KIR2DL4: variants seen among roughly 807,000 people sequenced by gnomAD.
The protein encoded by KIR2DL4 is killer cell immunoglobulin-like receptor 2DL4.
KIR2DL4 carries 41 observed loss-of-function variants against 31.0 expected under a neutral mutation model. The ratio of observed to expected loss-of-function variants is 1.32; its 90% CI spans 1.03 to 1.72. KIR2DL4 has a LOEUF of 1.72. Among genes scored for constraint, KIR2DL4 ranks in the 40% most tolerant of loss-of-function variants. KIR2DL4 has a pLI of 0.00. For synonymous variants in KIR2DL4, 164 were observed against 133.6 expected (o/e 1.23, Z -1.57); for missense variants, 438 against 353.7 (o/e 1.24, Z -1.91).
chr19:54,813,552 T>A (rs2061005856), intron 6 of KIR2DL4, 138 bp from the exon 6 acceptor site: 6 of 884,570 alleles, frequency 6.8e-6, no homozygotes, highest in Non-Finnish European at 1.1e-5. Flanking sequence ...CTCAGAGAGA[T>A]GGAATGTCTG....
chr19:54,803,948 G>A lies in KIR2DL4; in HGVS notation c.76+22G>A, dbSNP rs764638684. ...GTGGGTGAGTCCTTCCCCAAATGATGGGTTGCCATCTTCACCCCAATACAA... is the reference window on the plus strand; with the variant it reads ...GTGGGTGAGTCCTTCCCCAAATGATAGGTTGCCATCTTCACCCCAATACAA... On this transcript the variant is annotated intron_variant, in intron 2 of 7. Transcript: ENST00000359085. 5.6e-6 allele frequency: 9 copies of A among 1,605,526 alleles called. 1 individual carries two copies. Among genetic ancestry groups the A allele is most frequent in the Non-Finnish European group, 7.7e-6 (9 of 1,175,404 alleles).
intron 5 of KIR2DL4, among the ~76,000 whole-genome samples, chr19:54,809,393 T>G (rs1052230758): frequency 6.6e-6 from 1 of 150,832 alleles, no homozygotes; most frequent in Non-Finnish European, 1.5e-5. Context: ...TGCCCCATGC[T>G]CAGACTGTGC....
intron 7 of KIR2DL4, 49 bp from the exon 7 acceptor site, chr19:54,813,793 C>T (rs2061028701): frequency 5.0e-6 from 8 of 1,611,644 alleles, no homozygotes; most frequent in Non-Finnish European, 6.8e-6. Context: ...CCGAAATAGT[C>T]CTGAAAAATG....
At chr19:54,814,045 T>C (rs1601244509) in exon 8 of KIR2DL4, 3 of 1,612,248 alleles carry the variant, frequency 1.9e-6, no homozygotes, top group South Asian at 2.2e-5. Context: ...TGGGATCTTC[T>C]AGGGAGACAA....
At chr19:54,811,101 A>G (rs1187868896) in intron 5 of KIR2DL4, among the ~76,000 whole-genome samples, 1 of 151,372 alleles carries the variant, frequency 6.6e-6, no homozygotes, top group Non-Finnish European at 1.5e-5. Flanking sequence ...GAGACCTATT[A>G]TAATATAACA....
exon 8 of KIR2DL4, chr19:54,813,847 T>G (rs559190217): frequency 1.2e-6 from 2 of 1,612,458 alleles, no homozygotes; most frequent in Admixed American, 1.7e-5. Context: ...TCCAGGACTC[T>G]GATGAACAAG....
At chr19:54,804,157 A>AT (rs1260979061) in intron 2 of KIR2DL4, among the ~76,000 whole-genome samples, 5 of 104,600 alleles carry the variant, frequency 4.8e-5, no homozygotes, top group African/African-American at 1.2e-4. Context: ...TGGTATGCTC[A>AT]GCCCTCTGTT....
At chr19:54,805,413 G>C (rs1220326633) in intron 3 of KIR2DL4, among the ~76,000 whole-genome samples, 1 of 151,140 alleles carries the variant, frequency 6.6e-6, no homozygotes, top group Non-Finnish European at 1.5e-5. Flanking sequence ...GAGTGGAGAA[G>C]GAAGAGGAGA....
chr19:54,804,359 T>C (rs2147874778), intron 2 of KIR2DL4, among the ~76,000 whole-genome samples: 1 of 151,320 alleles, frequency 6.6e-6, no homozygotes, highest in South Asian at 2.1e-4. Flanking sequence ...CCTCCAGCGT[T>C]TCCATGACGG....
At position 54,813,803 on chromosome 19, in the gene KIR2DL4, G is replaced by A. The variant is rs1198400623; in HGVS notation, c.*42-39G>A. 3.8e-5 allele frequency: 61 copies of A among 1,611,984 alleles called. 1 individual carries two copies. The Admixed American group carries it at 8.2e-4, about 22-fold the overall frequency. On this transcript the variant is annotated intron_variant, in intron 7 of 7. Transcript: ENST00000359085. ...TTATTCCGAAATAGTCCTGAAAAATGTGAACACCCTCCCTCACTCAGGATT... is the reference window on the plus strand; with the variant it reads ...TTATTCCGAAATAGTCCTGAAAAATATGAACACCCTCCCTCACTCAGGATT...
In KIR2DL4 at chr19:54,805,196, GA is replaced by G. The variant is rs770605465; in HGVS notation, c.361+120del. The G allele has an allele frequency of 2.5e-4, 246 of 1,000,834 alleles. 7 individuals are homozygous for G. The East Asian group carries it at 5.1e-3, about 21-fold the overall frequency. The allele number at this position is 1,000,834 out of a possible 1,614,324, so 62.0% of individuals were successfully genotyped here. On this transcript the variant is annotated intron_variant, in intron 3 of 7. Transcript: ENST00000359085. The stretch of plus-strand genomic sequence containing the variant: ...CCCAACTATATTTGGGGTAAAGGGG[GA>G]TTGAATACAGGGGAATGGGTGCTGT...
chr19:54,811,489 A>G lies in KIR2DL4; in HGVS notation c.707-1636A>G, dbSNP rs965109897. Among the ~76,000 whole-genome samples the G allele has an allele frequency of 2.6e-5, 4 of 151,372 alleles. 1 individual carries two copies. Among genetic ancestry groups the G allele is most frequent in the African/African-American group, 4.9e-5 (2 of 41,020 alleles). Reference sequence around the variant, plus strand: ...CCAATCATCATTTTTCTATTTCTCTATAATGACTTCTTTGATCCTTTATCC... The same window carrying G: ...CCAATCATCATTTTTCTATTTCTCTGTAATGACTTCTTTGATCCTTTATCC... On this transcript the variant is annotated intron_variant, in intron 5 of 7. Coordinates refer to ENST00000359085, the Ensembl canonical transcript of KIR2DL4.
intron 6 of KIR2DL4, 117 bp from the exon 6 acceptor site, chr19:54,813,573 T>C (rs959136627): frequency 1.9e-6 from 2 of 1,036,898 alleles, no homozygotes; most frequent in Non-Finnish European, 2.9e-6. Context: ...AGTCTGGCTG[T>C]TGGCAGCTGA....
chr19:54,804,876 C>G, exon 3 of KIR2DL4: 1 of 1,612,238 alleles, frequency 6.2e-7, no homozygotes, highest in Non-Finnish European at 8.5e-7. Context: ...GTGTCACTAT[C>G]GTCGTGGGTT....
At chr19:54,812,693 G>A (rs1217364713) in intron 5 of KIR2DL4, among the ~76,000 whole-genome samples, 1 of 149,798 alleles carries the variant, frequency 6.7e-6, no homozygotes, top group East Asian at 2.0e-4. Context: ...AGATCACATG[G>A]CAAGAGAGGG....
At chr19:54,813,779 T>G in intron 7 of KIR2DL4, 37 bp downstream of exon 6, 4 of 1,610,846 alleles carry the variant, frequency 2.5e-6, no homozygotes, top group Non-Finnish European at 3.4e-6. Flanking sequence ...GATACAGTCT[T>G]ATTCCGAAAT....
rs1358802189 is a variant in KIR2DL4 at position 54,806,860 on chromosome 19, AT to A, written c.655+617del. 1.1e-4 allele frequency among the ~76,000 whole-genome samples: 16 copies of A among 150,260 alleles called. No individual in the cohort carries two copies. In the South Asian group the frequency reaches 1.1e-3, roughly 10 times the overall value. On this transcript the variant is annotated intron_variant, in intron 4 of 7. Coordinates refer to ENST00000359085, the Ensembl canonical transcript of KIR2DL4. ...AATCTTTACTAAAAAGACAAAAAAAATAAAATTAGCCAGGCATGGTGCCAGG... is the reference window on the plus strand; with the variant it reads ...AATCTTTACTAAAAAGACAAAAAAAAAAAATTAGCCAGGCATGGTGCCAGG...
At chr19:54,804,642 C>A (rs1158893763) in intron 2 of KIR2DL4, 151 bp from the exon 3 acceptor site, 5 of 743,512 alleles carry the variant, frequency 6.7e-6, no homozygotes, top group East Asian at 2.5e-5. Flanking sequence ...GGAGACGCCA[C>A]GTCTATGCGG....
At chr19:54,804,701 A>T (rs2060390121) in intron 2 of KIR2DL4, 92 bp from the exon 3 acceptor site, 2 of 1,392,788 alleles carry the variant, frequency 1.4e-6, no homozygotes, top group Admixed American at 2.0e-5. Flanking sequence ...TAGGAGCCTT[A>T]GAAAGAAGAA....
Sources: gnomAD v4.1 joint callset for allele counts (sites outside exome capture counted in the v4.1 genomes callset) on GRCh38, gnomAD v4.1.1 for gene constraint, MANE v1.5 for transcripts, NCBI Gene and HGNC (gene_info 2026-07-23, HGNC 2026-07-21) for gene names.